TTLL5: variants seen among roughly 807,000 people sequenced by gnomAD.
TTLL5 encodes the protein tubulin tyrosine ligase like 5, also known as tubulin polyglutamylase TTLL5.
TTLL5 carries 132 observed loss-of-function variants against 168.4 expected under a neutral mutation model. The ratio of observed to expected loss-of-function variants is 0.78; its 90% CI spans 0.68 to 0.91. The LOEUF (loss-of-function observed/expected upper bound fraction) is 0.91. Ranked by LOEUF, TTLL5 falls within the 40% of genes least tolerant of loss-of-function variation. TTLL5 has a pLI of 0.00. For synonymous variants in TTLL5, 546 were observed against 558.6 expected (o/e 0.98, Z 0.32); for missense variants, 1,545 against 1,581.5 (o/e 0.98, Z 0.39).
At chr14:75,859,032 G>C (rs1450433729) in intron 28 of TTLL5, among the ~76,000 whole-genome samples, 2 of 152,206 alleles carry the variant, frequency 1.3e-5, no homozygotes, top group East Asian at 3.8e-4. Flanking sequence ...AAGAGCAGGG[G>C]CATCCTTGTA....
intron 28 of TTLL5, among the ~76,000 whole-genome samples, chr14:75,821,960 A>G (rs1208458488): frequency 6.6e-6 from 1 of 152,050 alleles, no homozygotes; most frequent in African/African-American, 2.4e-5. Flanking sequence ...GCCCTGGGAC[A>G]TTTTCCTCTA....
chr14:75,737,184 A>G (rs1163993553), intron 15 of TTLL5, among the ~76,000 whole-genome samples: 2 of 152,316 alleles, frequency 1.3e-5, no homozygotes, highest in Non-Finnish European at 2.9e-5. Context: ...TGTTTTGCCA[A>G]CTGGTAGGTA....
intron 31 of TTLL5, among the ~76,000 whole-genome samples, chr14:75,918,457 T>A (rs562312197): frequency 6.6e-6 from 1 of 152,302 alleles, no homozygotes; most frequent in East Asian, 1.9e-4. Context: ...TATAAATAGA[T>A]ACGTTGTTCC....
intron 21 of TTLL5, among the ~76,000 whole-genome samples, chr14:75,774,697 T>C (rs1476199202): frequency 6.6e-6 from 1 of 152,156 alleles, no homozygotes; most frequent in Non-Finnish European, 1.5e-5. Context: ...TTTCTTTTTT[T>C]TTCTTTTTTG....
chr14:75,663,284 A>G (rs1890871101), intron 2 of TTLL5, 61 bp downstream of exon 2: 9 of 1,456,380 alleles, frequency 6.2e-6, no homozygotes, highest in Non-Finnish European at 7.6e-6. Flanking sequence ...ATATACTCTT[A>G]TATACTGTTT....
At chr14:75,782,272 G>A (rs958892245) in intron 24 of TTLL5, among the ~76,000 whole-genome samples, 12 of 152,110 alleles carry the variant, frequency 7.9e-5, no homozygotes, top group Admixed American at 6.5e-4. Context: ...TCAGTTAACT[G>A]TAGCTGGGAT....
intron 31 of TTLL5, chr14:75,930,661 GA>G: frequency 1.0e-6 from 1 of 985,176 alleles, no homozygotes. Flanking sequence ...GTGACGGGGG[GA>G]AATGCAAAAA....
At chr14:75,947,311 T>C (rs1394510918) in intron 31 of TTLL5, among the ~76,000 whole-genome samples, 1 of 152,166 alleles carries the variant, frequency 6.6e-6, no homozygotes, top group Non-Finnish European at 1.5e-5. Context: ...AAAAGATATA[T>C]TGGGGAAATA....
chr14:75,708,516 G>A, intron 9 of TTLL5, among the ~76,000 whole-genome samples: 1 of 151,962 alleles, frequency 6.6e-6, no homozygotes. Context: ...TAGTAGAGAC[G>A]AGGTTTCACT....
rs573319891 is a variant in TTLL5, at chr14:75,863,801, A to C, written c.3461A>C (p.Gln1154Pro). The C allele has an allele frequency of 1.5e-4, 237 of 1,613,632 alleles. 4 individuals are homozygous for C. In the South Asian group the frequency reaches 2.4e-3, roughly 17 times the overall value. Residue 1154 changes from glutamine (Q) to proline (P), a missense_variant, in exon 29 of 32, where the codon CAA becomes CCA. Coordinates refer to ENST00000298832, the MANE Select transcript of TTLL5 (RefSeq NM_015072.5). Reference protein sequence around the residue: ...GSYQLQFALQQLEQQKLQSRQ... With the variant: ...GSYQLQFALQPLEQQKLQSRQ... ...TATCAGCTTCAATTTGCCCTGCAGCAACTTGAACAACAAAAACTTCAGTCC... is the reference window on the plus strand; with the variant it reads ...TATCAGCTTCAATTTGCCCTGCAGCCACTTGAACAACAAAAACTTCAGTCC...
At chr14:75,857,907 T>C (rs544952076) in intron 28 of TTLL5, among the ~76,000 whole-genome samples, 137 of 152,190 alleles carry the variant, frequency 9.0e-4, no homozygotes, top group South Asian at 6.4e-3. Flanking sequence ...CACCTCGACC[T>C]CCCAAAGTGC....
chr14:75,949,806 C>T (rs1161626476), intron 31 of TTLL5, among the ~76,000 whole-genome samples: 1 of 150,642 alleles, frequency 6.6e-6, no homozygotes. Context: ...GCTGAGATCA[C>T]ACCGCTGCAC....
chr14:75,728,289 G>A (rs1298409969), intron 12 of TTLL5, among the ~76,000 whole-genome samples: 1 of 151,400 alleles, frequency 6.6e-6, no homozygotes, highest in African/African-American at 2.4e-5. Flanking sequence ...CTGGGAGGTG[G>A]AGATTGCAGC....
At chr14:75,703,093 T>C (rs1348346070) in intron 7 of TTLL5, among the ~76,000 whole-genome samples, 2 of 152,202 alleles carry the variant, frequency 1.3e-5, no homozygotes. Context: ...AAGTAACTCT[T>C]TCCAAGGCTG....
At chr14:75,863,599 T>C in intron 28 of TTLL5, 68 bp from the exon 29 acceptor site, 1 of 1,416,042 alleles carries the variant, frequency 7.1e-7, no homozygotes, top group Non-Finnish European at 9.4e-7. Context: ...CTGAGATATT[T>C]CTCTCCTTTC....
At chr14:75,928,554 T>C (rs2034163398) in intron 31 of TTLL5, among the ~76,000 whole-genome samples, 1 of 151,484 alleles carries the variant, frequency 6.6e-6, no homozygotes, top group South Asian at 2.1e-4. Context: ...AATTCCTCCC[T>C]CCCTCCCCTG....
rs571547055 is a variant in TTLL5 at position 75,893,679 on chromosome 14, G to A, written c.3741-8463G>A. ...TAAAAATACAAAAAATTAGCTGGGCGGGGTGACGCACGCCTGTAATCCCAG... is the reference window on the plus strand; with the variant it reads ...TAAAAATACAAAAAATTAGCTGGGCAGGGTGACGCACGCCTGTAATCCCAG... On this transcript the variant is annotated intron_variant, in intron 30 of 31. Transcript: ENST00000298832. Among the ~76,000 whole-genome samples the A allele has an allele frequency of 2.8e-4, 43 of 151,982 alleles. 1 individual carries two copies. The East Asian group carries it at 2.9e-3, about 10-fold the overall frequency.
chr14:75,797,491 C>G (rs570958815), intron 27 of TTLL5, among the ~76,000 whole-genome samples: 2 of 152,040 alleles, frequency 1.3e-5, no homozygotes, highest in African/African-American at 2.4e-5. Flanking sequence ...TGTCTTGTTC[C>G]AGTTTTCAAG....
intron 28 of TTLL5, among the ~76,000 whole-genome samples, chr14:75,854,730 A>G (rs1329293799): frequency 6.6e-6 from 1 of 152,174 alleles, no homozygotes; most frequent in East Asian, 1.9e-4. Flanking sequence ...TGTTAGTTGC[A>G]TTTCCCTGAT....
Sources: gnomAD v4.1 joint callset for allele counts (sites outside exome capture counted in the v4.1 genomes callset) on GRCh38, gnomAD v4.1.1 for gene constraint, MANE v1.5 for transcripts, NCBI Gene and HGNC (gene_info 2026-07-23, HGNC 2026-07-21) for gene names.